The following RAP1GAP2 variants were observed in gnomAD, a reference collection of about 807,000 sequenced individuals.
The protein encoded by RAP1GAP2 is rap1 GTPase-activating protein 2.
In RAP1GAP2, 27 loss-of-function variants were observed where a neutral mutation model predicts 95.0. The ratio of observed to expected loss-of-function variants is 0.28; its 90% CI spans 0.21 to 0.39. The LOEUF (loss-of-function observed/expected upper bound fraction) is 0.39. Ranked by LOEUF, RAP1GAP2 falls within the 10% of genes least tolerant of loss-of-function variation. RAP1GAP2 has a pLI of 1.00. For missense variants in RAP1GAP2, 771 were observed against 970.0 expected (o/e 0.79, Z 2.72); for synonymous variants, 373 against 380.9 (o/e 0.98, Z 0.24).
In RAP1GAP2 at chr17:2,955,759, T is replaced by G. The variant is rs182957444; in HGVS notation, c.166-2000T>G. Among the ~76,000 whole-genome samples, 69 of 152,362 alleles carry G rather than the reference T, an allele frequency of 4.5e-4. No individual in the cohort carries two copies. In the East Asian group the frequency reaches 0.013, roughly 29 times the overall value. ...CTATTTCTTACTGAGTCAGTTGTGA[T>G]AGGTTATGTTTTTCAGGGAATTTGT... On this transcript the variant is annotated intron_variant, in intron 3 of 24. Transcript: ENST00000254695.
intron 8 of RAP1GAP2, among the ~76,000 whole-genome samples, chr17:2,976,649 GA>G (rs2151523698): frequency 6.6e-6 from 1 of 151,542 alleles, no homozygotes; most frequent in African/African-American, 2.4e-5. Flanking sequence ...AAGAGTAGTT[GA>G]AAAAACTCTG....
chr17:2,957,776 GATGCTGGAGAA>G lies in RAP1GAP2; in HGVS notation c.185_195del (p.Met62AsnfsTer7). On this transcript the variant is annotated frameshift_variant, in exon 4 of 25. Coordinates refer to ENST00000254695, the MANE Select transcript of RAP1GAP2 (RefSeq NM_015085.5). LOFTEE classifies it high-confidence loss of function. ...TCTTTCAGTCGTCGGAGTTCTTTGA[GATGCTGGAGAA>G]AATGCAGGTGAGTACGTACCCCCAC... The G allele has an allele frequency of 2.5e-6, 4 of 1,607,782 alleles. No homozygotes were observed. Among genetic ancestry groups the G allele is most frequent in the Non-Finnish European group, 3.4e-6 (4 of 1,176,926 alleles).
intron 16 of RAP1GAP2, 124 bp downstream of exon 16, chr17:3,006,165 T>A: frequency 2.4e-6 from 2 of 825,088 alleles, no homozygotes; most frequent in South Asian, 1.7e-5. Flanking sequence ...CTTGCTCTGT[T>A]ACCCAGGCTG....
chr17:2,939,093 T>C (rs1418443505), intron 3 of RAP1GAP2, among the ~76,000 whole-genome samples: 1 of 151,860 alleles, frequency 6.6e-6, no homozygotes, highest in South Asian at 2.1e-4. Flanking sequence ...CCACTTATTC[T>C]TTTTTTTTCT....
At chr17:2,781,381 G>C (rs2068642227) in intron 1 of RAP1GAP2, among the ~76,000 whole-genome samples, 1 of 152,248 alleles carries the variant, frequency 6.6e-6, no homozygotes, top group Non-Finnish European at 1.5e-5. Flanking sequence ...GGAACACTGA[G>C]GTGTGCCTGT....
chr17:3,028,845 G>T (rs2047206359), intron 22 of RAP1GAP2, among the ~76,000 whole-genome samples: 1 of 152,142 alleles, frequency 6.6e-6, no homozygotes, highest in Non-Finnish European at 1.5e-5. Flanking sequence ...CTGCCACCCA[G>T]GCTGGAGTGC....
intron 8 of RAP1GAP2, among the ~76,000 whole-genome samples, chr17:2,973,708 A>G (rs1361468091): frequency 2.0e-5 from 3 of 152,226 alleles, no homozygotes; most frequent in African/African-American, 7.2e-5. Flanking sequence ...TGTGGATAAT[A>G]GACTGGGAGG....
At chr17:2,908,270 G>A (rs1390668553) in intron 3 of RAP1GAP2, among the ~76,000 whole-genome samples, 4 of 152,192 alleles carry the variant, frequency 2.6e-5, no homozygotes, top group Non-Finnish European at 1.5e-5. Flanking sequence ...CGGAGTTAGT[G>A]TTGGAGAGGC....
At position 2,906,065 on chromosome 17, in the gene RAP1GAP2, T is replaced by C. The variant is rs1439692407; in HGVS notation, c.165+697T>C. Among the ~76,000 whole-genome samples, 3 of 152,138 alleles carry C rather than the reference T, an allele frequency of 2.0e-5. No individual in the cohort carries two copies. The highest frequency in any genetic ancestry group is 7.2e-5 in the African/African-American group (3 of 41,434). On this transcript the variant is annotated intron_variant, in intron 3 of 24. Transcript: ENST00000254695. The surrounding 1 kb of genome is among the most constrained non-coding windows in gnomAD (Gnocchi z 4.3). ...TTTTGGCTCAGCCAGTGTTTCTGCA[T>C]AGGCTGGCATGCACGCTCTCCCTCC... is the stretch of plus-strand genomic sequence containing the variant.
rs191060275 is a variant in RAP1GAP2, at chr17:2,855,851, C to A, written c.81-49433C>A. Reference sequence around the variant, plus strand: ...GTGGTCTCAAACTCCTGAGCTCAGGCGATCCACCTGCCTCGGCCTCTCAAA... The same window carrying A: ...GTGGTCTCAAACTCCTGAGCTCAGGAGATCCACCTGCCTCGGCCTCTCAAA... On this transcript the variant is annotated intron_variant, in intron 2 of 24. Coordinates refer to ENST00000254695, the MANE Select transcript of RAP1GAP2 (RefSeq NM_015085.5). This position sits in a 1 kb window ranked among gnomAD's most constrained non-coding sequence, Gnocchi z 4.3. Among the ~76,000 whole-genome samples the A allele has an allele frequency of 6.6e-6, 1 of 152,142 alleles. No individual in the cohort carries two copies. Among genetic ancestry groups the A allele is most frequent in the Admixed American group, 6.6e-5 (1 of 15,256 alleles).
chr17:2,859,284 T>C (rs2072275193), intron 2 of RAP1GAP2, among the ~76,000 whole-genome samples: 1 of 151,904 alleles, frequency 6.6e-6, no homozygotes, highest in South Asian at 2.1e-4. Flanking sequence ...CTAATTTTTG[T>C]ATTTTTAGTA....
intron 2 of RAP1GAP2, among the ~76,000 whole-genome samples, chr17:2,901,030 G>C (rs1396879760): frequency 2.0e-5 from 3 of 152,242 alleles, no homozygotes; most frequent in Non-Finnish European, 4.4e-5. Context: ...CCAGGGGTCT[G>C]TCTAGCTCCG....
At position 2,991,409 on chromosome 17, in the gene RAP1GAP2, C is replaced by G. The variant is rs1204307038; in HGVS notation, c.914+12C>G. The G allele has an allele frequency of 5.1e-6, 8 of 1,572,760 alleles. No individual in the cohort carries two copies. The highest frequency in any genetic ancestry group is 6.9e-6 in the Non-Finnish European group (8 of 1,152,968). On this transcript the variant is annotated intron_variant, in intron 12 of 24. Transcript: ENST00000254695. ...CAGGATTTCAAAGGGTGGGTTTTAG[C>G]CAAGTGACGGCTCCAGCTCCATCAA...
intron 2 of RAP1GAP2, among the ~76,000 whole-genome samples, chr17:2,876,177 G>A (rs2073092343): frequency 1.3e-5 from 2 of 151,892 alleles, no homozygotes; most frequent in South Asian, 4.2e-4. Context: ...GACCTTGTGA[G>A]CTGCCTGCCT....
intron 11 of RAP1GAP2, among the ~76,000 whole-genome samples, chr17:2,987,854 A>G (rs1007738250): frequency 2.0e-5 from 3 of 152,202 alleles, no homozygotes; most frequent in African/African-American, 7.2e-5. Flanking sequence ...ACAATTACCT[A>G]CTGAAGACAT....
rs565941970 is a variant in RAP1GAP2, at chr17:2,824,387, C to T, written c.80+23837C>T. 2.4e-4 allele frequency among the ~76,000 whole-genome samples: 35 copies of T among 148,690 alleles called. No individual in the cohort carries two copies. The South Asian group carries it at 7.4e-3, about 31-fold the overall frequency. On this transcript the variant is annotated intron_variant, in intron 2 of 24. Transcript: ENST00000254695. ...ACTTGAACCCGGGAGGCGGAGGTTT[C>T]AGTGAACCGAGATTGTGCCACTGTA...
intron 16 of RAP1GAP2, 53 bp downstream of exon 16, chr17:3,006,094 GC>G: frequency 8.9e-7 from 1 of 1,127,954 alleles, no homozygotes; most frequent in Non-Finnish European, 1.3e-6. Context: ...CCACCTGTTA[GC>G]CAGCCTCATC....
At chr17:2,880,079 G>A (rs868281252) in intron 2 of RAP1GAP2, among the ~76,000 whole-genome samples, 1 of 152,186 alleles carries the variant, frequency 6.6e-6, no homozygotes, top group East Asian at 1.9e-4. Context: ...GGAGCAGGGG[G>A]CTGGGAGCAG....
chr17:3,025,250 G>A (rs568332099), intron 19 of RAP1GAP2, among the ~76,000 whole-genome samples: 7 of 152,276 alleles, frequency 4.6e-5, no homozygotes, highest in Admixed American at 2.0e-4. Flanking sequence ...GGTGGTATAC[G>A]CCTGTAATCC....
Sources: allele counts gnomAD v4.1 joint callset (sites outside exome capture counted in the v4.1 genomes callset), GRCh38; gene constraint gnomAD v4.1.1; non-coding constraint Gnocchi (gnomAD v3.1); transcripts MANE v1.5; gene names NCBI Gene and HGNC (gene_info 2026-07-23, HGNC 2026-07-21).